KAZN: variants seen among roughly 807,000 people sequenced by gnomAD.
KAZN encodes the protein kazrin.
A neutral mutation model predicts 87.4 loss-of-function variants in KAZN; 40 were observed. The observed-to-expected ratio is 0.46, with a 90% CI of 0.36 to 0.60. The LOEUF (loss-of-function observed/expected upper bound fraction) is 0.60, where lower values mean the gene tolerates loss of function less well. KAZN is among the 20% of genes least tolerant of loss of function. The probability of loss-of-function intolerance (pLI) is 0.00; values close to 1 mark genes in which losing one functional copy is unlikely to be tolerated. For synonymous variants in KAZN, 466 were observed against 458.3 expected (o/e 1.02, Z -0.22); for missense variants, 898 against 1,073.9 (o/e 0.84, Z 2.29).
intron 2 of KAZN, among the ~76,000 whole-genome samples, chr1:14,510,896 C>T (rs891262795): frequency 6.6e-6 from 1 of 152,084 alleles, no homozygotes; most frequent in African/African-American, 2.4e-5. Context: ...CTGAACAATT[C>T]AAGAGCAAAT....
intron 1 of KAZN, among the ~76,000 whole-genome samples, chr1:13,935,795 G>A (rs1640705896): frequency 2.0e-5 from 3 of 151,824 alleles, no homozygotes; most frequent in Admixed American, 6.6e-5. Flanking sequence ...GACTGGGCAA[G>A]CCACTTCACA....
At chr1:14,243,124 A>G (rs1649128912) in intron 2 of KAZN, among the ~76,000 whole-genome samples, 1 of 152,096 alleles carries the variant, frequency 6.6e-6, no homozygotes. Context: ...CCCCTCCACC[A>G]TGCCACTACA....
intron 1 of KAZN, among the ~76,000 whole-genome samples, chr1:13,957,445 G>T (rs1380367575): frequency 6.6e-6 from 1 of 152,200 alleles, no homozygotes; most frequent in African/African-American, 2.4e-5. Context: ...GTGACTTGGG[G>T]ATGGGTTTGG....
chr1:13,956,184 C>T (rs1641538623), intron 1 of KAZN, among the ~76,000 whole-genome samples: 1 of 152,190 alleles, frequency 6.6e-6, no homozygotes, highest in African/African-American at 2.4e-5. Context: ...TGCTGGCATT[C>T]CCTCTTTGTC....
chr1:14,579,194 A>G (rs1675375607), intron 2 of KAZN, among the ~76,000 whole-genome samples: 1 of 152,208 alleles, frequency 6.6e-6, no homozygotes, highest in African/African-American at 2.4e-5. Flanking sequence ...ATCTCAGCTT[A>G]TAACAGTGTT....
chr1:14,936,342 A>G lies in KAZN; in HGVS notation c.227-24342A>G, dbSNP rs77197240. On this transcript the variant is annotated intron_variant, in intron 1 of 14. Coordinates refer to ENST00000376030, the MANE Select transcript of KAZN (RefSeq NM_201628.3). ...GTTGGTACCATCAGATGCAGTTGGT[A>G]TCATCGGTTGGTAGCTGTAGGATGC... Among the ~76,000 whole-genome samples the G allele has an allele frequency of 8.6e-3, 1,304 of 152,310 alleles. 23 individuals are homozygous for G. The highest frequency in any genetic ancestry group is 0.049 in the South Asian group (234 of 4,822).
At chr1:14,871,828 C>T (rs1254273778) in intron 1 of KAZN, among the ~76,000 whole-genome samples, 2 of 151,822 alleles carry the variant, frequency 1.3e-5, no homozygotes, top group Non-Finnish European at 2.9e-5. Context: ...TGGGGTCAGC[C>T]CCACGTGAGT....
At chr1:14,580,383 G>C (rs571771756) in intron 2 of KAZN, among the ~76,000 whole-genome samples, 2 of 152,140 alleles carry the variant, frequency 1.3e-5, no homozygotes, top group Middle Eastern at 3.2e-3. Context: ...GCTGAGGCAG[G>C]AGAATTGCTT....
At chr1:14,554,033 A>G (rs1673710812) in intron 2 of KAZN, among the ~76,000 whole-genome samples, 1 of 152,170 alleles carries the variant, frequency 6.6e-6, no homozygotes, top group Non-Finnish European at 1.5e-5. Flanking sequence ...ATTAGGAACA[A>G]GGCTACTGGA....
At chr1:14,986,918 G>A (rs1029068328) in intron 2 of KAZN, among the ~76,000 whole-genome samples, 9 of 152,002 alleles carry the variant, frequency 5.9e-5, no homozygotes, top group African/African-American at 1.7e-4. Flanking sequence ...TCAAATTCAC[G>A]GTAGCAGGCA....
At position 15,050,103 on chromosome 1, in the gene KAZN, G is replaced by C. The variant is rs768098007; in HGVS notation, c.726+5944G>C. Among the ~76,000 whole-genome samples the C allele has an allele frequency of 5.0e-4, 59 of 116,924 alleles. 3 individuals are homozygous for C. The highest frequency in any genetic ancestry group is 5.1e-4 in the East Asian group (1 of 1,980). 76.7% of individuals were successfully genotyped at this position (116,924 alleles called of 152,430 possible). On this transcript the variant is annotated intron_variant, in intron 4 of 14. Transcript: ENST00000376030. Reference sequence around the variant, plus strand: ...GAGTACAGTAGAGTACAGTAGAGTAGAGTAGAGTAGAGTAGTAGAGTAGGT... The same window carrying C: ...GAGTACAGTAGAGTACAGTAGAGTACAGTAGAGTAGAGTAGTAGAGTAGGT...
intron 1 of KAZN, among the ~76,000 whole-genome samples, chr1:14,697,714 C>G (rs534543717): frequency 6.6e-6 from 1 of 152,342 alleles, no homozygotes; most frequent in African/African-American, 2.4e-5. Flanking sequence ...AGACAAAGCT[C>G]TTTTTTGATA....
intron 2 of KAZN, among the ~76,000 whole-genome samples, chr1:15,002,132 G>A (rs1028829599): frequency 3.9e-4 from 60 of 151,992 alleles, no homozygotes; most frequent in African/African-American, 1.4e-3. Context: ...CACCCGCCTC[G>A]TCCTCCCAAA....
At chr1:14,839,808 G>C (rs962002620) in intron 1 of KAZN, among the ~76,000 whole-genome samples, 1 of 152,166 alleles carries the variant, frequency 6.6e-6, no homozygotes, top group Admixed American at 6.5e-5. Flanking sequence ...AGACATTGGG[G>C]CTTGTATGTC....
chr1:15,102,243 T>TA, intron 11 of KAZN, among the ~76,000 whole-genome samples: 1 of 151,948 alleles, frequency 6.6e-6, no homozygotes, highest in South Asian at 2.1e-4. Flanking sequence ...GTTTGCTATT[T>TA]TAAAAAAAAA....
intron 1 of KAZN, among the ~76,000 whole-genome samples, chr1:13,921,070 G>C (rs1640048693): frequency 6.6e-6 from 1 of 152,142 alleles, no homozygotes; most frequent in African/African-American, 2.4e-5. Context: ...GGACCTCTAT[G>C]AGGTCCTTGT....
intron 1 of KAZN, among the ~76,000 whole-genome samples, chr1:14,117,341 C>G (rs1383915681): frequency 6.6e-6 from 1 of 152,062 alleles, no homozygotes; most frequent in African/African-American, 2.4e-5. Context: ...GTGAATAAGT[C>G]TCATGGGAAC....
At chr1:14,726,614 C>G (rs1643396452) in intron 1 of KAZN, among the ~76,000 whole-genome samples, 1 of 152,202 alleles carries the variant, frequency 6.6e-6, no homozygotes, top group African/African-American at 2.4e-5. Flanking sequence ...GTGTCCCCTA[C>G]ATAGAACAAC....
chr1:14,624,301 A>C (rs1678933271), intron 1 of KAZN, among the ~76,000 whole-genome samples: 1 of 152,210 alleles, frequency 6.6e-6, no homozygotes, highest in Non-Finnish European at 1.5e-5. Context: ...ATGTGCCTGT[A>C]GTCCCAGCTA....
Sources: allele counts gnomAD v4.1 joint callset (sites outside exome capture counted in the v4.1 genomes callset), GRCh38; gene constraint gnomAD v4.1.1; transcripts MANE v1.5; gene names NCBI Gene and HGNC (gene_info 2026-07-23, HGNC 2026-07-21).